The following KCNH1 variants were observed in gnomAD, a reference collection of about 807,000 sequenced individuals.
KCNH1 encodes the protein voltage-gated delayed rectifier potassium channel KCNH1.
A neutral mutation model predicts 69.2 loss-of-function variants in KCNH1; 27 were observed. The ratio of observed to expected loss-of-function variants is 0.39; its 90% CI spans 0.29 to 0.54. The LOEUF (loss-of-function observed/expected upper bound fraction) is 0.54. Among genes scored for constraint, KCNH1 ranks in the 20% least tolerant of loss-of-function variants. KCNH1 has a pLI of 0.68. For synonymous variants in KCNH1, 456 were observed against 487.7 expected, an observed-to-expected ratio of 0.93 and a Z score of 0.86; for missense variants, 798 against 1,261.6, an observed-to-expected ratio of 0.63 and a Z score of 5.57.
chr1:210,887,998 A>G (rs1686654299), intron 7 of KCNH1, among the ~76,000 whole-genome samples: 1 of 152,214 alleles, frequency 6.6e-6, no homozygotes, highest in African/African-American at 2.4e-5. Flanking sequence ...TATTAGATCA[A>G]TGAGACAGAA....
intron 10 of KCNH1, among the ~76,000 whole-genome samples, chr1:210,689,456 A>T (rs1681482213): frequency 1.3e-5 from 2 of 152,194 alleles, no homozygotes; most frequent in African/African-American, 4.8e-5. Flanking sequence ...CAGCAAGACG[A>T]TGTGGGGAGG....
chr1:210,882,754 C>T (rs899509103), intron 7 of KCNH1, among the ~76,000 whole-genome samples: 14 of 152,014 alleles, frequency 9.2e-5, no homozygotes, highest in African/African-American at 3.1e-4. Context: ...TGAATGTGCT[C>T]GCTGGAGGAT....
At chr1:211,072,514 A>G (rs1690663981) in intron 5 of KCNH1, among the ~76,000 whole-genome samples, 1 of 152,220 alleles carries the variant, frequency 6.6e-6, no homozygotes, top group African/African-American at 2.4e-5. Context: ...GTTCAATGAA[A>G]AATAACATGT....
intron 7 of KCNH1, chr1:210,859,091 T>C: frequency 1.2e-6 from 1 of 837,942 alleles, no homozygotes; most frequent in Non-Finnish European, 2.0e-6. Context: ...TTAGAATAGA[T>C]AACATGAACC....
intron 7 of KCNH1, among the ~76,000 whole-genome samples, chr1:210,893,802 G>A (rs957363618): frequency 6.6e-6 from 1 of 151,842 alleles, no homozygotes; most frequent in Non-Finnish European, 1.5e-5. Flanking sequence ...TTCTCTCTAT[G>A]TATTTTATTT....
At chr1:210,947,716 A>C (rs1687986664) in intron 6 of KCNH1, among the ~76,000 whole-genome samples, 1 of 152,252 alleles carries the variant, frequency 6.6e-6, no homozygotes, top group Admixed American at 6.5e-5. Flanking sequence ...CAATAGAAGA[A>C]TTGTTAATTA....
At chr1:211,041,577 A>T (rs1259020170) in intron 5 of KCNH1, among the ~76,000 whole-genome samples, 10 of 152,126 alleles carry the variant, frequency 6.6e-5, no homozygotes. Context: ...CATATCATAC[A>T]TCAACTTGTA....
intron 7 of KCNH1, among the ~76,000 whole-genome samples, chr1:210,863,783 C>T (rs1332746029): frequency 6.6e-6 from 1 of 152,220 alleles, no homozygotes; most frequent in Non-Finnish European, 1.5e-5. Flanking sequence ...GTCCTTCCTT[C>T]TCAATGCAGG....
intron 10 of KCNH1, among the ~76,000 whole-genome samples, chr1:210,692,830 T>C (rs1333956452): frequency 7.9e-5 from 12 of 152,166 alleles, no homozygotes; most frequent in Non-Finnish European, 1.3e-4. Context: ...ACCAAGGCAG[T>C]AGACAACTTT....
intron 10 of KCNH1, among the ~76,000 whole-genome samples, chr1:210,749,304 T>A (rs1345016125): frequency 6.6e-6 from 1 of 152,188 alleles, no homozygotes; most frequent in Non-Finnish European, 1.5e-5. Context: ...CAAGAGAGGC[T>A]TCTGGGAGAG....
At chr1:210,840,598 T>C (rs1248820462) in intron 7 of KCNH1, among the ~76,000 whole-genome samples, 1 of 152,190 alleles carries the variant, frequency 6.6e-6, no homozygotes, top group African/African-American at 2.4e-5. Flanking sequence ...CAGGTGGACC[T>C]GGAATTAAAT....
At chr1:210,920,330 A>C (rs1687433260) in intron 6 of KCNH1, among the ~76,000 whole-genome samples, 1 of 152,248 alleles carries the variant, frequency 6.6e-6, no homozygotes, top group South Asian at 2.1e-4. Flanking sequence ...GTACATAAGT[A>C]AACAAATACC....
At chr1:210,686,834 C>CT (rs1461243934) in intron 10 of KCNH1, among the ~76,000 whole-genome samples, 1 of 152,136 alleles carries the variant, frequency 6.6e-6, no homozygotes, top group Non-Finnish European at 1.5e-5. Flanking sequence ...GGAGGTCACA[C>CT]TGTATTTTTT....
chr1:210,861,470 C>T, intron 7 of KCNH1: 1 of 775,488 alleles, frequency 1.3e-6, no homozygotes, highest in Admixed American at 1.7e-5. Flanking sequence ...TTCAAAAAGT[C>T]TTGCTAAAAT....
chr1:211,093,873 A>G (rs1002807226), intron 3 of KCNH1, among the ~76,000 whole-genome samples: 2 of 151,780 alleles, frequency 1.3e-5, no homozygotes, highest in African/African-American at 2.4e-5. Context: ...TTGCTCCCCT[A>G]CCCTATAAAG....
intron 7 of KCNH1, among the ~76,000 whole-genome samples, chr1:210,830,068 G>A (rs1034773208): frequency 9.9e-5 from 15 of 152,234 alleles, no homozygotes; most frequent in African/African-American, 3.1e-4. Flanking sequence ...CCTCAAGAGT[G>A]CTTAATAAAT....
At chr1:210,808,217 G>A (rs1007562084) in intron 7 of KCNH1, among the ~76,000 whole-genome samples, 1 of 152,186 alleles carries the variant, frequency 6.6e-6, no homozygotes, top group East Asian at 1.9e-4. Context: ...CAATGAACCA[G>A]GAGTCACAGG....
chr1:210,964,950 C>A (rs996623975), intron 6 of KCNH1, among the ~76,000 whole-genome samples: 6 of 152,088 alleles, frequency 3.9e-5, no homozygotes, highest in African/African-American at 9.7e-5. Flanking sequence ...GTTCAATATA[C>A]ACAATCAATA....
At chr1:210,806,533 A>G (rs1162930916) in intron 7 of KCNH1, among the ~76,000 whole-genome samples, 1 of 152,000 alleles carries the variant, frequency 6.6e-6, no homozygotes, top group Non-Finnish European at 1.5e-5. Flanking sequence ...TTTACAGCAC[A>G]AAAGGTTTTA....
Sources: gnomAD v4.1 joint callset for allele counts (sites outside exome capture counted in the v4.1 genomes callset) on GRCh38, gnomAD v4.1.1 for gene constraint, MANE v1.5 for transcripts, NCBI Gene and HGNC (gene_info 2026-07-23, HGNC 2026-07-21) for gene names.